The following PSD3 variants were observed in gnomAD, a reference collection of about 807,000 sequenced individuals.
PSD3 encodes PH and SEC7 domain-containing protein 3.
In PSD3, 49 loss-of-function variants were observed where a neutral mutation model predicts 105.5. The observed-to-expected ratio is 0.46, with a 90% CI of 0.37 to 0.59. The LOEUF (loss-of-function observed/expected upper bound fraction) is 0.59, where lower values mean the gene tolerates loss of function less well. Ranked by LOEUF, PSD3 falls within the 20% of genes least tolerant of loss-of-function variation. The pLI is 0.00. For synonymous variants in PSD3, 557 were observed against 457.8 expected (o/e 1.22, Z -2.77); for missense variants, 1,561 against 1,263.8 (o/e 1.24, Z -3.57).
intron 15 of PSD3, among the ~76,000 whole-genome samples, chr8:18,553,176 AC>A (rs1403703173): frequency 6.6e-6 from 1 of 152,236 alleles, no homozygotes; most frequent in African/African-American, 2.4e-5. Context: ...ATTTTTCCTT[AC>A]CAAGGACTTG....
chr8:18,609,388 C>G (rs1350295876), intron 11 of PSD3, among the ~76,000 whole-genome samples: 1 of 152,200 alleles, frequency 6.6e-6, no homozygotes, highest in Non-Finnish European at 1.5e-5. Flanking sequence ...CAATATAAAG[C>G]AATCCCAATG....
chr8:18,816,991 C>T (rs1016562130), intron 4 of PSD3, among the ~76,000 whole-genome samples: 1 of 152,146 alleles, frequency 6.6e-6, no homozygotes, highest in African/African-American at 2.4e-5. Flanking sequence ...TGTGGCTTTG[C>T]AAGCTATCTT....
At chr8:18,682,120 T>C (rs1168974431) in intron 9 of PSD3, among the ~76,000 whole-genome samples, 1 of 152,218 alleles carries the variant, frequency 6.6e-6, no homozygotes, top group Non-Finnish European at 1.5e-5. Context: ...GTGGTATCTA[T>C]GCTGGATTCC....
intron 1 of PSD3, among the ~76,000 whole-genome samples, chr8:19,024,544 T>C (rs566512844): frequency 6.6e-6 from 1 of 152,296 alleles, no homozygotes; most frequent in South Asian, 2.1e-4. Flanking sequence ...AGTCCTTCAT[T>C]TTTTATTCAT....
At chr8:18,917,690 T>C (rs768154233) in intron 2 of PSD3, among the ~76,000 whole-genome samples, 5 of 152,144 alleles carry the variant, frequency 3.3e-5, no homozygotes, top group Admixed American at 2.0e-4. Flanking sequence ...GCTCTTGCGA[T>C]TTCCCACCCC....
intron 9 of PSD3, among the ~76,000 whole-genome samples, chr8:18,668,877 C>T (rs1799626309): frequency 6.6e-6 from 1 of 152,206 alleles, no homozygotes; most frequent in South Asian, 2.1e-4. Flanking sequence ...ATGCTATCCA[C>T]AGTATTACAT....
intron 9 of PSD3, among the ~76,000 whole-genome samples, chr8:18,694,037 T>C (rs1019430867): frequency 4.6e-5 from 7 of 152,096 alleles, no homozygotes; most frequent in Admixed American, 1.3e-4. Flanking sequence ...GATCTGAAAA[T>C]AGTCCTGTCC....
At chr8:18,842,764 T>G (rs146727127) in intron 4 of PSD3, among the ~76,000 whole-genome samples, 3 of 152,018 alleles carry the variant, frequency 2.0e-5, no homozygotes, top group African/African-American at 7.2e-5. Flanking sequence ...TTTACTAGTA[T>G]ACAGACTATT....
intron 2 of PSD3, among the ~76,000 whole-genome samples, chr8:18,904,654 T>C (rs1223722409): frequency 6.6e-6 from 1 of 152,208 alleles, no homozygotes; most frequent in Admixed American, 6.5e-5. Context: ...TTTAAGTACA[T>C]CTTCTGTAAT....
At chr8:18,559,772 A>T (rs1348433567) in intron 14 of PSD3, among the ~76,000 whole-genome samples, 1 of 152,064 alleles carries the variant, frequency 6.6e-6, no homozygotes, top group Non-Finnish European at 1.5e-5. Context: ...ACTTATTTTA[A>T]TGAGGAATAC....
chr8:18,995,953 G>T (rs181881322), intron 1 of PSD3, among the ~76,000 whole-genome samples: 1 of 151,858 alleles, frequency 6.6e-6, no homozygotes, highest in East Asian at 1.9e-4. Context: ...GCCAGCATCC[G>T]TAGCATCACC....
intron 9 of PSD3, among the ~76,000 whole-genome samples, chr8:18,679,814 G>A (rs1410351400): frequency 6.6e-6 from 1 of 152,168 alleles, no homozygotes; most frequent in African/African-American, 2.4e-5. Context: ...TGAAATTTCG[G>A]TGTCACAGAA....
Position 18,533,078 on chromosome 8 carries a change from C to G in PSD3, c.*2665G>C, listed in dbSNP as rs1799697645. ...TTGGAGCAGCTGTGAAAGGAAACAT[C>G]CTCAATTTCTTCTGGCTAGATGCCA... On this transcript the variant is annotated 3_prime_UTR_variant, in exon 16 of 16. Coordinates refer to ENST00000327040, the MANE Select transcript of PSD3 (RefSeq NM_015310.4). The G allele has an allele frequency of 1.3e-5, 2 of 152,208 alleles. No homozygotes were observed. The highest frequency in any genetic ancestry group is 4.8e-5 in the African/African-American group (2 of 41,440). The allele number at this position is 152,208 out of a possible 1,614,324, so 9.4% of individuals were successfully genotyped here.
intron 1 of PSD3, among the ~76,000 whole-genome samples, chr8:19,042,225 T>C (rs576833565): frequency 2.6e-5 from 4 of 152,194 alleles, no homozygotes; most frequent in Non-Finnish European, 5.9e-5. Context: ...GGCTCCTTTT[T>C]GTTTTCTTAA....
intron 1 of PSD3, among the ~76,000 whole-genome samples, chr8:19,025,192 T>C (rs1186029313): frequency 3.6e-5 from 3 of 83,912 alleles, no homozygotes; most frequent in African/African-American, 8.9e-5. Flanking sequence ...TACACACTCA[T>C]TAACACCCTA....
intron 9 of PSD3, among the ~76,000 whole-genome samples, chr8:18,667,529 C>G (rs903540464): frequency 6.6e-6 from 1 of 152,210 alleles, no homozygotes. Flanking sequence ...GAGGTAGACA[C>G]AGGGTGCTGA....
At chr8:18,772,431 G>A (rs1255937601) in intron 8 of PSD3, among the ~76,000 whole-genome samples, 1 of 152,100 alleles carries the variant, frequency 6.6e-6, no homozygotes, top group Non-Finnish European at 1.5e-5. Context: ...TGGGTATCAG[G>A]TGATACCCAA....
rs1554479557 is a variant in PSD3 at position 18,717,894 on chromosome 8, T to TGGA, written c.2172+47554_2172+47555insTCC. 9.9e-5 allele frequency among the ~76,000 whole-genome samples: 15 copies of TGGA among 152,220 alleles called. No homozygotes were observed. In the East Asian group the frequency reaches 2.7e-3, roughly 28 times the overall value. Reference sequence around the variant, plus strand: ...ATTCTCTGCGGTGAGACTTGGTAAATAGAACACAAAAAATGCTCCATAGGA... The same window carrying TGGA: ...ATTCTCTGCGGTGAGACTTGGTAAATGGAAGAACACAAAAAATGCTCCATAGGA... On this transcript the variant is annotated intron_variant, in intron 9 of 15. Coordinates refer to ENST00000327040, the MANE Select transcript of PSD3 (RefSeq NM_015310.4).
Position 18,535,454 on chromosome 8 carries a change from A to G in PSD3, c.*289T>C, listed in dbSNP as rs1045902880. On this transcript the variant is annotated 3_prime_UTR_variant, in exon 16 of 16. Coordinates refer to ENST00000327040, the MANE Select transcript of PSD3 (RefSeq NM_015310.4). ...TAAAACAACTGAGCAGACTGCAAACAAGAGAAAACCAAAAGAGAAGGGATA... is the reference window on the plus strand; with the variant it reads ...TAAAACAACTGAGCAGACTGCAAACGAGAGAAAACCAAAAGAGAAGGGATA... 2 of 398,406 alleles carry G rather than the reference A, an allele frequency of 5.0e-6. No homozygotes were observed. Among genetic ancestry groups the G allele is most frequent in the African/African-American group, 4.0e-5 (2 of 50,064 alleles). 24.7% of individuals were successfully genotyped at this position (398,406 alleles called of 1,614,324 possible). A position where few individuals can be genotyped will look rare whatever the true frequency, so the allele number is the denominator to read the frequency against.
Sources: gnomAD v4.1 joint callset for allele counts (sites outside exome capture counted in the v4.1 genomes callset) on GRCh38, gnomAD v4.1.1 for gene constraint, MANE v1.5 for transcripts, NCBI Gene and HGNC (gene_info 2026-07-23, HGNC 2026-07-21) for gene names.